The following CPED1 variants were observed in gnomAD, a reference collection of about 807,000 sequenced individuals.
CPED1 encodes cadherin like and PC-esterase domain containing 1, also known as cadherin-like and PC-esterase domain-containing protein 1.
Under a neutral mutation model 128.2 loss-of-function variants are expected in CPED1, and 114 were observed. The ratio of observed to expected loss-of-function variants is 0.89; its 90% CI spans 0.76 to 1.04. The LOEUF is 1.04. Ranked by LOEUF, CPED1 falls within the 50% of genes least tolerant of loss-of-function variation. The pLI is 0.00. For missense variants in CPED1, 1,211 were observed against 1,207.1 expected, an observed-to-expected ratio of 1.00 and a Z score of -0.05; for synonymous variants, 462 against 426.7, an observed-to-expected ratio of 1.08 and a Z score of -1.02.
At chr7:121,075,968 G>A (rs576326040) in intron 5 of CPED1, among the ~76,000 whole-genome samples, 1 of 152,268 alleles carries the variant, frequency 6.6e-6, no homozygotes, top group South Asian at 2.1e-4. Flanking sequence ...TGTTGTTCAA[G>A]AGTCAGCTGT....
intron 4 of CPED1, among the ~76,000 whole-genome samples, chr7:121,056,755 A>G (rs949485768): frequency 1.3e-5 from 2 of 151,980 alleles, no homozygotes; most frequent in Non-Finnish European, 2.9e-5. Flanking sequence ...TTGCTCTCTA[A>G]TTCTCTTTAT....
chr7:121,030,551 G>T (rs1792703598), intron 3 of CPED1, among the ~76,000 whole-genome samples: 1 of 152,118 alleles, frequency 6.6e-6, no homozygotes, highest in African/African-American at 2.4e-5. Context: ...GAGTCACTTG[G>T]TAGCCTTCTT....
intron 6 of CPED1, among the ~76,000 whole-genome samples, chr7:121,099,561 T>C (rs1794789102): frequency 6.6e-6 from 1 of 152,150 alleles, no homozygotes; most frequent in Non-Finnish European, 1.5e-5. Flanking sequence ...AGAGACAGGG[T>C]TTCACCCTGT....
At chr7:121,181,507 C>T (rs889987823) in intron 16 of CPED1, among the ~76,000 whole-genome samples, 6 of 151,776 alleles carry the variant, frequency 4.0e-5, no homozygotes, top group African/African-American at 1.5e-4. Context: ...GTGATCTGTA[C>T]ATAAATACGT....
Position 121,184,801 on chromosome 7 carries a change from G to T in CPED1, c.2055+42660G>T, listed in dbSNP as rs531461935. ...ATAGTAGAATAAATAGGTTACTTTTGCTCTTTAAAACAATTGAGTGTCTTT... is the reference window on the plus strand; with the variant it reads ...ATAGTAGAATAAATAGGTTACTTTTTCTCTTTAAAACAATTGAGTGTCTTT... On this transcript the variant is annotated intron_variant, in intron 16 of 22. Coordinates refer to ENST00000310396, the MANE Select transcript of CPED1 (RefSeq NM_024913.5). Among the ~76,000 whole-genome samples, 3 of 152,158 alleles carry T rather than the reference G, an allele frequency of 2.0e-5. No individual in the cohort carries two copies. The East Asian group carries it at 5.8e-4, about 29-fold the overall frequency.
chr7:121,092,286 T>G (rs920470343), intron 5 of CPED1, among the ~76,000 whole-genome samples: 43 of 152,370 alleles, frequency 2.8e-4, no homozygotes, highest in African/African-American at 9.9e-4. Context: ...TTCCTAGGTC[T>G]GAACAATAAG....
chr7:121,006,168 T>C (rs1792008894), intron 2 of CPED1, among the ~76,000 whole-genome samples: 1 of 152,192 alleles, frequency 6.6e-6, no homozygotes, highest in African/African-American at 2.4e-5. Flanking sequence ...TAAGGCTGAA[T>C]TGCTGAATTA....
intron 18 of CPED1, among the ~76,000 whole-genome samples, chr7:121,255,692 A>G (rs995240295): frequency 1.3e-5 from 2 of 151,942 alleles, no homozygotes; most frequent in African/African-American, 4.8e-5. Flanking sequence ...CTTAGAACTA[A>G]TAAACAATTT....
At chr7:121,075,093 C>G (rs1382416846) in intron 5 of CPED1, among the ~76,000 whole-genome samples, 1 of 152,116 alleles carries the variant, frequency 6.6e-6, no homozygotes, top group East Asian at 1.9e-4. Context: ...GCATTTTCAG[C>G]ATTACTAGAG....
chr7:121,063,381 G>GGAAAA (rs1554429192), intron 4 of CPED1, among the ~76,000 whole-genome samples: 3 of 67,042 alleles, frequency 4.5e-5, no homozygotes, highest in Admixed American at 2.4e-4. Context: ...TGAAGAAACT[G>GGAAAA]AAAAAAAAAA....
rs1235333684 is a variant in CPED1 at position 121,128,501 on chromosome 7, A to G, written c.1407+15A>G. The G allele has an allele frequency of 7.5e-7, 1 of 1,338,976 alleles. No individual in the cohort carries two copies. Among genetic ancestry groups the G allele is most frequent in the Non-Finnish European group, 1.1e-6 (1 of 929,042 alleles). The allele number at this position is 1,338,976 out of a possible 1,614,324, so 82.9% of individuals were successfully genotyped here. A position where few individuals can be genotyped will look rare whatever the true frequency, so the allele number is the denominator to read the frequency against. ...AATTCCAACTGGTAAAGCAAAAGTG[A>G]CATTTGATTCTTTCTTGGTGACTGG... is the stretch of plus-strand genomic sequence containing the variant. On this transcript the variant is annotated intron_variant, in intron 11 of 22. Coordinates refer to ENST00000310396, the MANE Select transcript of CPED1 (RefSeq NM_024913.5).
chr7:120,992,992 T>C (rs534247661), intron 2 of CPED1, among the ~76,000 whole-genome samples: 2 of 152,316 alleles, frequency 1.3e-5, no homozygotes, highest in African/African-American at 4.8e-5. Flanking sequence ...ACTCTCCCTC[T>C]TTCTTGCCAA....
chr7:121,143,913 TAAGA>T (rs1421454441), intron 16 of CPED1, among the ~76,000 whole-genome samples: 1 of 151,814 alleles, frequency 6.6e-6, no homozygotes, highest in Non-Finnish European at 1.5e-5. Flanking sequence ...AAAAATTCAG[TAAGA>T]AAGGAAACAA....
At position 121,136,022 on chromosome 7, in the gene CPED1, ATTTCT is replaced by A. The variant is rs766408790; in HGVS notation, c.1649-14_1649-10del. The A allele has an allele frequency of 4.7e-6, 7 of 1,474,704 alleles. No individual in the cohort carries two copies. Among genetic ancestry groups the A allele is most frequent in the Non-Finnish European group, 6.4e-6 (7 of 1,096,134 alleles). 91.4% of individuals were successfully genotyped at this position (1,474,704 alleles called of 1,614,324 possible). A position where few individuals can be genotyped will look rare whatever the true frequency, so the allele number is the denominator to read the frequency against. On this transcript the variant is annotated splice_polypyrimidine_tract_variant and intron_variant, in intron 13 of 22. Coordinates refer to ENST00000310396, the MANE Select transcript of CPED1 (RefSeq NM_024913.5). Reference sequence around the variant, plus strand: ...TTAATGGTTTTTATTTTAAATTTACATTTCTTTTTTTTTTTAGCTGCAGTTCCACA... The same window carrying A: ...TTAATGGTTTTTATTTTAAATTTACATTTTTTTTTTAGCTGCAGTTCCACA...
At chr7:121,118,916 G>GC (rs1300834101) in intron 7 of CPED1, among the ~76,000 whole-genome samples, 3 of 152,040 alleles carry the variant, frequency 2.0e-5, no homozygotes, top group Admixed American at 6.6e-5. Context: ...CGAGGGATCC[G>GC]CCCCCATGAC....
chr7:121,265,177 T>C (rs1469003738), intron 18 of CPED1, among the ~76,000 whole-genome samples: 1 of 152,034 alleles, frequency 6.6e-6, no homozygotes. Context: ...ATGCAAATCA[T>C]GTTTAGCAGA....
chr7:121,224,446 G>A (rs1196227889), intron 16 of CPED1, among the ~76,000 whole-genome samples: 1 of 152,154 alleles, frequency 6.6e-6, no homozygotes, highest in Non-Finnish European at 1.5e-5. Context: ...TTGATTTGGG[G>A]TGGAGAGTTC....
At chr7:120,999,045 A>C (rs1791755362) in intron 2 of CPED1, among the ~76,000 whole-genome samples, 1 of 152,176 alleles carries the variant, frequency 6.6e-6, no homozygotes, top group Non-Finnish European at 1.5e-5. Context: ...ACAGCCTCTG[A>C]TACATAGTGA....
intron 3 of CPED1, among the ~76,000 whole-genome samples, chr7:121,027,779 TGA>T (rs767333626): frequency 1.0e-4 from 15 of 144,120 alleles, no homozygotes; most frequent in Non-Finnish European, 1.4e-4. Context: ...ATAATAATAA[TGA>T]GTTTCAGCTC....
Sources: gnomAD v4.1 joint callset for allele counts (sites outside exome capture counted in the v4.1 genomes callset) on GRCh38, gnomAD v4.1.1 for gene constraint, MANE v1.5 for transcripts, NCBI Gene and HGNC (gene_info 2026-07-23, HGNC 2026-07-21) for gene names.